Variants in ADGRA1 observed in about 807,000 individuals in gnomAD.
ADGRA1 encodes adhesion G protein-coupled receptor A1.
Under a neutral mutation model 21.3 loss-of-function variants are expected in ADGRA1, and 12 were observed. The observed-to-expected ratio is 0.56, with a 90% CI of 0.36 to 0.91. The LOEUF (loss-of-function observed/expected upper bound fraction) is 0.91, where lower values mean the gene tolerates loss of function less well. Among genes scored for constraint, ADGRA1 ranks in the 40% least tolerant of loss-of-function variants. The probability of loss-of-function intolerance (pLI) is 0.01; values close to 1 mark genes in which losing one functional copy is unlikely to be tolerated. For synonymous variants in ADGRA1, 385 were observed against 368.8 expected, an observed-to-expected ratio of 1.04 and a Z score of -0.50; for missense variants, 790 against 805.6, an observed-to-expected ratio of 0.98 and a Z score of 0.23.
At chr10:133,092,828 AGAGG>A (rs201461714) in intron 2 of ADGRA1, among the ~76,000 whole-genome samples, 2 of 77,152 alleles carry the variant, frequency 2.6e-5, no homozygotes, top group Non-Finnish European at 4.6e-5. Flanking sequence ...AGGAAGGAAG[AGAGG>A]GAGGGAGGGA....
chr10:133,101,255 G>A (rs940719751), intron 4 of ADGRA1, among the ~76,000 whole-genome samples: 3 of 151,898 alleles, frequency 2.0e-5, no homozygotes, highest in Non-Finnish European at 2.9e-5. Context: ...CCCGCCCACC[G>A]GGGCCACAGC....
chr10:133,093,598 C>G (rs2135865052), intron 2 of ADGRA1, among the ~76,000 whole-genome samples: 1 of 152,346 alleles, frequency 6.6e-6, no homozygotes. Flanking sequence ...ATCCTGCGGG[C>G]ACAGAACCAA....
At chr10:133,093,081 T>C (rs750165357) in intron 2 of ADGRA1, 36 of 1,595,530 alleles carry the variant, frequency 2.3e-5, no homozygotes, top group East Asian at 4.5e-5. Context: ...CCTCAGCCAG[T>C]TGGAGCTGCA....
chr10:133,127,211 T>TC lies in ADGRA1; in HGVS notation c.402-21dup, dbSNP rs564082051. On this transcript the variant is annotated intron_variant, in intron 5 of 6. Coordinates refer to ENST00000392607, the MANE Select transcript of ADGRA1 (RefSeq NM_001083909.3). ...GATGCAGGCGGCGTCTGCAAGGGGG[T>TC]CAACGCCTTCCTCCCCGGCAGGTTT... is the stretch of plus-strand genomic sequence containing the variant. The TC allele has an allele frequency of 2.4e-3, 3,720 of 1,526,308 alleles. 18 individuals are homozygous for TC. The highest frequency in any genetic ancestry group is 6.1e-3 in the South Asian group (500 of 82,404). The allele number at this position is 1,526,308 out of a possible 1,614,324, so 94.5% of individuals were successfully genotyped here.
intron 5 of ADGRA1, among the ~76,000 whole-genome samples, chr10:133,123,663 C>T (rs997898160): frequency 6.5e-4 from 99 of 152,214 alleles, no homozygotes; most frequent in African/African-American, 1.7e-3. Flanking sequence ...CCGTAAGGTC[C>T]GAAATGGGCC....
chr10:133,125,084 C>G lies in ADGRA1; in HGVS notation c.402-2149C>G, dbSNP rs866442689. On this transcript the variant is annotated intron_variant, in intron 5 of 6. Coordinates refer to ENST00000392607, the MANE Select transcript of ADGRA1 (RefSeq NM_001083909.3). The stretch of plus-strand genomic sequence containing the variant: ...TCTACTTTGCCGGGCATCCGTGTAG[C>G]CGCTGTAGCTCTCTTAATCTCACAG... 9.8e-5 allele frequency among the ~76,000 whole-genome samples: 15 copies of G among 152,378 alleles called. No homozygotes were observed. In the South Asian group the frequency reaches 3.1e-3, roughly 32 times the overall value.
chr10:133,100,705 C>T (rs1489211361), intron 4 of ADGRA1, among the ~76,000 whole-genome samples: 1 of 152,274 alleles, frequency 6.6e-6, no homozygotes, highest in Admixed American at 6.5e-5. Flanking sequence ...TCCACTCACT[C>T]GCTCACTCAG....
chr10:133,111,932 T>C (rs1471957804), intron 5 of ADGRA1, among the ~76,000 whole-genome samples: 515 of 11,898 alleles, frequency 0.043, 88 homozygotes, highest in East Asian at 0.23. Flanking sequence ...CTGCCCGCCG[T>C]GAGCACCTCC....
rs34728360 is a variant in ADGRA1 at position 133,119,261 on chromosome 10, C to CA, written c.402-7958dup. 2.0e-3 allele frequency among the ~76,000 whole-genome samples: 284 copies of CA among 145,470 alleles called. 1 individual carries two copies. The highest frequency in any genetic ancestry group is 6.5e-3 in the African/African-American group (257 of 39,624). On this transcript the variant is annotated intron_variant, in intron 5 of 6. Coordinates refer to ENST00000392607, the MANE Select transcript of ADGRA1 (RefSeq NM_001083909.3). ...CTTACAGCCACTGGTCCTTTATTGCCAAAAAAAAAAAAAATGCTAGTGACT... is the reference window on the plus strand; with the variant it reads ...CTTACAGCCACTGGTCCTTTATTGCCAAAAAAAAAAAAAAATGCTAGTGACT...
At position 133,129,757 on chromosome 10, in the gene ADGRA1, C is replaced by T. The variant is rs1010422685; in HGVS notation, c.*246C>T. 6 of 515,086 alleles carry T rather than the reference C, an allele frequency of 1.2e-5. No homozygotes were observed. The African/African-American group carries it at 1.2e-4, about 10-fold the overall frequency. The allele number at this position is 515,086 out of a possible 1,614,324, so 31.9% of individuals were successfully genotyped here. On this transcript the variant is annotated 3_prime_UTR_variant, in exon 7 of 7. Coordinates refer to ENST00000392607, the MANE Select transcript of ADGRA1 (RefSeq NM_001083909.3). Reference sequence around the variant, plus strand: ...AGCGGGGAAACGCTCCGGGCCACGCCCACTCCCCTTATCCCAATTCCGCGT... The same window carrying T: ...AGCGGGGAAACGCTCCGGGCCACGCTCACTCCCCTTATCCCAATTCCGCGT...
intron 1 of ADGRA1, 94 bp from the exon 2 acceptor site, chr10:133,088,614 A>T: frequency 1.3e-6 from 1 of 786,830 alleles, no homozygotes; most frequent in Non-Finnish European, 1.7e-6. Context: ...AGGGAGCGAC[A>T]GGGGCCGCGG....
In ADGRA1 at chr10:133,088,154, G is replaced by A; in HGVS notation, c.-203+16G>A. The A allele has an allele frequency of 9.2e-6, 9 of 974,346 alleles. No homozygotes were observed. Among genetic ancestry groups the A allele is most frequent in the Non-Finnish European group, 1.1e-5 (9 of 819,952 alleles). 60.4% of individuals were successfully genotyped at this position (974,346 alleles called of 1,614,324 possible). Reference sequence around the variant, plus strand: ...GCCACAGCAGGTGGGAAGGACGCGCGGGTCTGGGCGGCGGGAGGGACGCGC... The same window carrying A: ...GCCACAGCAGGTGGGAAGGACGCGCAGGTCTGGGCGGCGGGAGGGACGCGC... On this transcript the variant is annotated intron_variant, in intron 1 of 6. Transcript: ENST00000392607.
chr10:133,121,867 CTGTG>C (rs1380252563), intron 5 of ADGRA1, among the ~76,000 whole-genome samples: 1 of 103,870 alleles, frequency 9.6e-6, no homozygotes, highest in South Asian at 3.2e-4. Context: ...GAATGAGTGC[CTGTG>C]TGTGGTGTGT....
intron 5 of ADGRA1, among the ~76,000 whole-genome samples, chr10:133,112,737 A>G (rs370243305): frequency 0.013 from 1,047 of 80,592 alleles, no homozygotes; most frequent in Middle Eastern, 0.043. Context: ...CGGTTATTTG[A>G]GGTCTGCGGG....
intron 2 of ADGRA1, chr10:133,089,126 T>A: frequency 1.2e-6 from 1 of 841,952 alleles, no homozygotes; most frequent in Non-Finnish European, 1.6e-6. Context: ...TGCTGGGTGC[T>A]GATCATACTA....
intron 4 of ADGRA1, among the ~76,000 whole-genome samples, chr10:133,101,211 C>T (rs778078980): frequency 7.2e-5 from 11 of 152,174 alleles, no homozygotes; most frequent in Non-Finnish European, 1.5e-5. Context: ...CCGCCTGCCC[C>T]GCCCTTGTCA....
At chr10:133,091,044 G>A (rs1316106162) in intron 2 of ADGRA1, among the ~76,000 whole-genome samples, 1 of 152,238 alleles carries the variant, frequency 6.6e-6, no homozygotes, top group African/African-American at 2.4e-5. Context: ...ACGAGCAAAA[G>A]CAAATGTGAA....
At chr10:133,119,671 A>G (rs534782726) in intron 5 of ADGRA1, among the ~76,000 whole-genome samples, 16 of 151,918 alleles carry the variant, frequency 1.1e-4, no homozygotes, top group South Asian at 8.3e-4. Flanking sequence ...ATAAGAAGCA[A>G]CTCCTCACTG....
chr10:133,108,359 G>A (rs1201738289), intron 5 of ADGRA1, among the ~76,000 whole-genome samples: 2 of 152,190 alleles, frequency 1.3e-5, no homozygotes, highest in Non-Finnish European at 2.9e-5. Context: ...AGAAGGACAG[G>A]TGCAGCCTCA....
Sources: allele counts gnomAD v4.1 joint callset (sites outside exome capture counted in the v4.1 genomes callset), GRCh38; gene constraint gnomAD v4.1.1; transcripts MANE v1.5; gene names NCBI Gene and HGNC (gene_info 2026-07-23, HGNC 2026-07-21).